The following GLB1 variants were observed in gnomAD, a reference collection of about 807,000 sequenced individuals.
GLB1 encodes the protein galactosidase beta 1, also known as beta-galactosidase.
Under a neutral mutation model 74.0 loss-of-function variants are expected in GLB1, and 56 were observed. The ratio of observed to expected loss-of-function variants is 0.76; its 90% CI spans 0.61 to 0.94. GLB1 has a LOEUF of 0.94. GLB1 is among the 40% of genes least tolerant of loss of function. The pLI is 0.00. For missense variants in GLB1, 787 were observed against 845.5 expected (o/e 0.93, Z 0.86); for synonymous variants, 323 against 323.6 (o/e 1.00, Z 0.02).
the GLB1 span, among the ~76,000 whole-genome samples, chr3:32,975,169 C>T: frequency 1.3e-5 from 2 of 152,128 alleles, no homozygotes; most frequent in Admixed American, 6.5e-5. Context: ...GCAGCCTCAA[C>T]CTCCCAAGCT....
rs778700089 is a variant in GLB1, at chr3:33,068,241, G to A, written c.446C>T (p.Ser149Phe). 2.5e-6 allele frequency: 4 copies of A among 1,614,046 alleles called. No homozygotes were observed. The highest frequency in any genetic ancestry group is 4.5e-5 in the East Asian group (2 of 44,874). Reference sequence around the variant, plus strand: ...CTGTAACAACCTACCTGGGTCGGAGGAGCGGAGAAGAATAGACTCTTTCTC... The same window carrying A: ...CTGTAACAACCTACCTGGGTCGGAGAAGCGGAGAAGAATAGACTCTTTCTC... ...LLEKESILLR[S>F]SDPDYLAAVD... Residue 149 changes from serine (S) to phenylalanine (F), a missense_variant, in exon 4 of 16, where the codon TCC (serine) becomes TTC (phenylalanine). Transcript: ENST00000307363.
At chr3:32,977,702 A>G in the GLB1 span, among the ~76,000 whole-genome samples, 1 of 152,306 alleles carries the variant, frequency 6.6e-6, no homozygotes, top group Non-Finnish European at 1.5e-5. Flanking sequence ...GCCACTTGTC[A>G]TGAAGGCTCC....
chr3:32,984,315 G>T, the GLB1 span, among the ~76,000 whole-genome samples: 1 of 151,934 alleles, frequency 6.6e-6, no homozygotes, highest in Non-Finnish European at 1.5e-5. Context: ...GCTCAGGGGG[G>T]AATTCAAGGG....
rs35949170 is a variant in GLB1 at position 33,045,245 on chromosome 3, C to CTT, written c.1068+873_1068+874dup. ...AGACTGATTTGCTCATAGACTCACT[C>CTT]TTTTTTTTTTTTAGGTAAATAAATA... On this transcript the variant is annotated intron_variant, in intron 10 of 15. Transcript: ENST00000307363. 2,315 of 567,734 alleles carry CTT rather than the reference C, an allele frequency of 4.1e-3. 21 individuals are homozygous for CTT. Among genetic ancestry groups the CTT allele is most frequent in the African/African-American group, 0.028 (1,352 of 47,540 alleles). The allele number at this position is 567,734 out of a possible 1,614,324, so 35.2% of individuals were successfully genotyped here.
intron 1 of GLB1, among the ~76,000 whole-genome samples, chr3:33,079,009 A>G (rs60555944): frequency 0.014 from 2,096 of 152,262 alleles, 36 homozygotes; most frequent in African/African-American, 0.048. Flanking sequence ...AGCAATAAAA[A>G]AGAACAAACT....
At chr3:32,968,998 C>T in the GLB1 span, among the ~76,000 whole-genome samples, 1 of 152,224 alleles carries the variant, frequency 6.6e-6, no homozygotes, top group Admixed American at 6.5e-5. Context: ...TAAACCTTAG[C>T]TCCTCATCAA....
intron 10 of GLB1, among the ~76,000 whole-genome samples, chr3:33,041,610 C>T (rs1327839317): frequency 6.8e-6 from 1 of 146,364 alleles, no homozygotes; most frequent in East Asian, 2.0e-4. Flanking sequence ...TGCAGTGAGC[C>T]AAGATCTCAC....
intron 11 of GLB1, among the ~76,000 whole-genome samples, chr3:33,022,181 T>C (rs1030382336): frequency 2.0e-5 from 3 of 152,210 alleles, no homozygotes; most frequent in Non-Finnish European, 4.4e-5. Flanking sequence ...TTTGTCTTCC[T>C]CACCAGACTG....
chr3:33,092,922 A>C (rs1339138443), intron 1 of GLB1: 5 of 1,614,070 alleles, frequency 3.1e-6, no homozygotes, highest in Non-Finnish European at 4.2e-6. Context: ...GCCTGGGCTG[A>C]CATACACGAA....
At chr3:32,978,905 G>A in the GLB1 span, among the ~76,000 whole-genome samples, 3 of 148,194 alleles carry the variant, frequency 2.0e-5, no homozygotes, top group Non-Finnish European at 4.5e-5. Flanking sequence ...GATTACAGGG[G>A]CCCACCACCA....
chr3:33,083,676 A>T (rs547926550), intron 1 of GLB1, among the ~76,000 whole-genome samples: 1 of 152,212 alleles, frequency 6.6e-6, no homozygotes, highest in African/African-American at 2.4e-5. Context: ...ACCAAAATTC[A>T]TAACTTCTCA....
the GLB1 span, among the ~76,000 whole-genome samples, chr3:32,985,616 C>T: frequency 2.0e-5 from 3 of 151,888 alleles, no homozygotes; most frequent in Non-Finnish European, 4.4e-5. Context: ...TATGATGTAC[C>T]TTTATATATA....
intron 12 of GLB1, 153 bp downstream of exon 12, chr3:33,021,413 A>G: frequency 2.3e-6 from 2 of 878,478 alleles, no homozygotes; most frequent in Non-Finnish European, 3.6e-6. Flanking sequence ...TTCAAGCTAA[A>G]GAGAGCCTGG....
chr3:33,067,002 CTT>C (rs63579460), intron 4 of GLB1, among the ~76,000 whole-genome samples: 5 of 135,466 alleles, frequency 3.7e-5, no homozygotes, highest in Admixed American at 7.6e-5. Context: ...GTTTTTATTT[CTT>C]TTTTTTTTTT....
intron 1 of GLB1, among the ~76,000 whole-genome samples, chr3:33,082,531 A>C (rs1046862273): frequency 6.6e-6 from 1 of 152,214 alleles, no homozygotes; most frequent in Non-Finnish European, 1.5e-5. Context: ...CAGAAAAAAC[A>C]GATCACAGTA....
At chr3:32,986,607 T>C in the GLB1 span, among the ~76,000 whole-genome samples, 1 of 151,294 alleles carries the variant, frequency 6.6e-6, no homozygotes, top group Non-Finnish European at 1.5e-5. Context: ...TTTTTTTTTT[T>C]TGAGATGGAG....
At chr3:33,043,147 G>C (rs764039472) in intron 10 of GLB1, among the ~76,000 whole-genome samples, 1 of 152,188 alleles carries the variant, frequency 6.6e-6, no homozygotes, top group Non-Finnish European at 1.5e-5. Context: ...AGAAAGTAAA[G>C]ATATTGATTA....
chr3:33,061,006 G>A (rs530632532), intron 5 of GLB1, among the ~76,000 whole-genome samples: 48 of 152,274 alleles, frequency 3.2e-4, no homozygotes, highest in African/African-American at 1.1e-3. Flanking sequence ...GGTGAAGGCT[G>A]GGGGTAGGTG....
At chr3:33,078,651 T>C (rs781178103) in intron 1 of GLB1, among the ~76,000 whole-genome samples, 17 of 152,156 alleles carry the variant, frequency 1.1e-4, no homozygotes, top group Non-Finnish European at 2.1e-4. Flanking sequence ...AAGGGAGTAT[T>C]ATTTGGAAAT....
Sources: gnomAD v4.1 joint callset for allele counts (sites outside exome capture counted in the v4.1 genomes callset) on GRCh38, gnomAD v4.1.1 for gene constraint, MANE v1.5 for transcripts, NCBI Gene and HGNC (gene_info 2026-07-23, HGNC 2026-07-21) for gene names.